ACTN2: variants seen among roughly 807,000 people sequenced by gnomAD.
ACTN2 encodes the protein alpha-actinin-2.
ACTN2 carries 39 observed loss-of-function variants against 113.8 expected under a neutral mutation model. The observed-to-expected ratio is 0.34, with a 90% confidence interval of 0.27 to 0.45. ACTN2 has a LOEUF of 0.45. Ranked by LOEUF, ACTN2 falls within the 20% of genes least tolerant of loss-of-function variation. The pLI is 1.00. For synonymous variants in ACTN2, 429 were observed against 444.1 expected (o/e 0.97, Z 0.43); for missense variants, 992 against 1,177.9 (o/e 0.84, Z 2.31).
At position 236,762,605 on chromosome 1, in the gene ACTN2, G is replaced by T. The variant is rs1177830945; in HGVS notation, c.2671G>T (p.Glu891Ter). 1.2e-6 allele frequency: 2 copies of T among 1,614,108 alleles called. No homozygotes were observed. The highest frequency in any genetic ancestry group is 1.7e-6 in the Non-Finnish European group (2 of 1,180,002). Residue 891 changes from glutamate (E) to a stop codon, truncating the protein, a stop_gained, in exon 21 of 21, where the codon GAG becomes TAG. Coordinates refer to ENST00000366578, the MANE Select transcript of ACTN2 (RefSeq NM_001103.4). LOFTEE classifies it high-confidence loss of function. ...TGCGTTCTCTTCCGCACTCTACGGG[G>T]AGAGCGATCTGTGATGCTGAGCTTC... Reference protein sequence around the residue: ...YAAFSSALYGESDL With the variant: ...YAAFSSALYG
intron 7 of ACTN2, among the ~76,000 whole-genome samples, chr1:236,735,268 G>A (rs907177406): frequency 3.8e-4 from 58 of 152,148 alleles, no homozygotes; most frequent in African/African-American, 1.4e-3. Flanking sequence ...CAGAGGGGCC[G>A]GGTGCCCTGA....
chr1:236,744,361 G>C (rs551211304), intron 11 of ACTN2, among the ~76,000 whole-genome samples: 2 of 152,078 alleles, frequency 1.3e-5, no homozygotes, highest in Non-Finnish European at 2.9e-5. Flanking sequence ...CTACAAATTG[G>C]TTTTTTTCTA....
intron 7 of ACTN2, chr1:236,734,550 C>G (rs1658809020): frequency 6.9e-7 from 1 of 1,439,680 alleles, no homozygotes; most frequent in African/African-American, 1.4e-5. Flanking sequence ...CACTGCTCAC[C>G]CTTCACCTTC....
At chr1:236,688,121 G>A (rs2102853278) in intron 1 of ACTN2, among the ~76,000 whole-genome samples, 1 of 152,168 alleles carries the variant, frequency 6.6e-6, no homozygotes, top group Admixed American at 6.5e-5. Flanking sequence ...GTGTCATCTG[G>A]ACCAGCTGAT....
chr1:236,692,192 T>C (rs961586138), intron 1 of ACTN2, among the ~76,000 whole-genome samples: 3 of 152,208 alleles, frequency 2.0e-5, no homozygotes, highest in Non-Finnish European at 4.4e-5. Context: ...AGGCATCAAT[T>C]TGAGAGTGAT....
At chr1:236,743,912 G>A (rs1659147960) in intron 11 of ACTN2, among the ~76,000 whole-genome samples, 2 of 152,100 alleles carry the variant, frequency 1.3e-5, no homozygotes, top group Non-Finnish European at 2.9e-5. Flanking sequence ...TAATGAGTTC[G>A]TATTTAGAAA....
intron 8 of ACTN2, chr1:236,736,731 A>C: frequency 9.7e-7 from 1 of 1,032,694 alleles, no homozygotes; most frequent in Non-Finnish European, 1.4e-6. Flanking sequence ...AATGTTATTC[A>C]GGGAGTCTCC....
chr1:236,744,647 A>G lies in ACTN2; in HGVS notation c.1277A>G (p.Gln426Arg). ...WAYGKEQILLQKDYESASLTE... is the reference protein window; with the variant it reads ...WAYGKEQILLRKDYESASLTE... The stretch of plus-strand genomic sequence containing the variant: ...GCAGGCAAAGAGCAGATCTTGCTGC[A>G]GAAGGATTACGAGTCGGCGTCGCTG... The change falls in exon 12 of 21, where the codon CAG becomes CGG. Residue 426 changes from glutamine to arginine, a missense_variant. By Grantham distance (43) the Gln-to-Arg change is conservative. Coordinates refer to ENST00000366578, the MANE Select transcript of ACTN2 (RefSeq NM_001103.4). The G allele has an allele frequency of 1.9e-6, 3 of 1,614,212 alleles. No homozygotes were observed. Among genetic ancestry groups the G allele is most frequent in the Non-Finnish European group, 2.5e-6 (3 of 1,180,042 alleles).
chr1:236,750,756 G>C (rs1416804025), intron 14 of ACTN2, among the ~76,000 whole-genome samples: 1 of 152,108 alleles, frequency 6.6e-6, no homozygotes, highest in Non-Finnish European at 1.5e-5. Context: ...AATGTTAGAT[G>C]CTTTTGTAGG....
intron 1 of ACTN2, among the ~76,000 whole-genome samples, chr1:236,711,683 A>G (rs1658031471): frequency 6.6e-6 from 1 of 152,042 alleles, no homozygotes; most frequent in Non-Finnish European, 1.5e-5. Flanking sequence ...CTTTCTGGGG[A>G]TAGATGGTTT....
chr1:236,757,390 A>T, intron 17 of ACTN2, 96 bp from the exon 18 acceptor site: 1 of 1,483,496 alleles, frequency 6.7e-7, no homozygotes, highest in Non-Finnish European at 9.4e-7. Context: ...CTGCTTAGTA[A>T]GCCCTTTGAG....
chr1:236,727,569 C>T (rs554709216), intron 5 of ACTN2, 109 bp from the exon 6 acceptor site: 22 of 1,135,776 alleles, frequency 1.9e-5, no homozygotes, highest in African/African-American at 1.7e-4. Context: ...TGGGGCCCTC[C>T]GTGCATGAAG....
At chr1:236,735,250 C>G (rs1310987399) in intron 7 of ACTN2, among the ~76,000 whole-genome samples, 1 of 152,176 alleles carries the variant, frequency 6.6e-6, no homozygotes, top group Non-Finnish European at 1.5e-5. Flanking sequence ...GACCTGCGTT[C>G]CCCAGAGCAG....
chr1:236,693,763 G>A (rs1657373029), intron 1 of ACTN2, among the ~76,000 whole-genome samples: 1 of 152,024 alleles, frequency 6.6e-6, no homozygotes, highest in Non-Finnish European at 1.5e-5. Context: ...TCGTCTGCTG[G>A]CTTTTCTCCA....
chr1:236,726,591 T>C (rs1466332936), intron 5 of ACTN2, among the ~76,000 whole-genome samples: 1 of 152,230 alleles, frequency 6.6e-6, no homozygotes, highest in Non-Finnish European at 1.5e-5. Context: ...CATTATGATG[T>C]TGAAGTAAAA....
At chr1:236,752,870 T>A (rs991932527) in intron 15 of ACTN2, among the ~76,000 whole-genome samples, 20 of 152,200 alleles carry the variant, frequency 1.3e-4, no homozygotes, top group Non-Finnish European at 7.3e-5. Context: ...TATCATTTTT[T>A]AAAGTGAGAC....
chr1:236,737,263 T>C (rs1658908038), intron 9 of ACTN2, 49 bp downstream of exon 9: 1 of 1,227,112 alleles, frequency 8.1e-7, no homozygotes, highest in Non-Finnish European at 1.1e-6. Flanking sequence ...ACGCAGGGGC[T>C]GAGGCACAGA....
intron 1 of ACTN2, among the ~76,000 whole-genome samples, chr1:236,713,304 T>A (rs1004296151): frequency 6.6e-6 from 1 of 151,994 alleles, no homozygotes; most frequent in East Asian, 1.9e-4. Flanking sequence ...CTTGGCTCAC[T>A]GCAACCTCTG....
At position 236,709,249 on chromosome 1, in the gene ACTN2, T is replaced by TACAC. The variant is rs1176757842; in HGVS notation, c.127-8608_127-8607insCACA. On this transcript the variant is annotated intron_variant, in intron 1 of 20. Coordinates refer to ENST00000366578, the MANE Select transcript of ACTN2 (RefSeq NM_001103.4). ...ATATATATATATATATATATATATA[T>TACAC]ATATATACACACACACACACACATA... Among the ~76,000 whole-genome samples the TACAC allele has an allele frequency of 4.5e-4, 40 of 89,106 alleles. 1 individual carries two copies. The highest frequency in any genetic ancestry group is 3.5e-4 in the South Asian group (1 of 2,868). 58.5% of individuals were successfully genotyped at this position (89,106 alleles called of 152,430 possible).
Sources: allele counts gnomAD v4.1 joint callset (sites outside exome capture counted in the v4.1 genomes callset), GRCh38; gene constraint gnomAD v4.1.1; transcripts MANE v1.5; gene names NCBI Gene and HGNC (gene_info 2026-07-23, HGNC 2026-07-21).